ABCB9: variants seen among roughly 807,000 people sequenced by gnomAD.
ABCB9 encodes ATP binding cassette subfamily B member 9, also known as ABC-type oligopeptide transporter ABCB9.
A neutral mutation model predicts 62.0 loss-of-function variants in ABCB9; 36 were observed. The ratio of observed to expected loss-of-function variants is 0.58; its 90% CI spans 0.45 to 0.77. The LOEUF is 0.77. Ranked by LOEUF, ABCB9 falls within the 30% of genes least tolerant of loss-of-function variation. The probability of loss-of-function intolerance (pLI) is 0.00; values close to 1 mark genes in which losing one functional copy is unlikely to be tolerated. For synonymous variants in ABCB9, 435 were observed against 461.4 expected, an observed-to-expected ratio of 0.94 and a Z score of 0.73; for missense variants, 943 against 1,054.7, an observed-to-expected ratio of 0.89 and a Z score of 1.47.
intron 2 of ABCB9, among the ~76,000 whole-genome samples, chr12:122,954,580 C>T (rs2036534351): frequency 6.6e-6 from 1 of 152,150 alleles, no homozygotes; most frequent in Non-Finnish European, 1.5e-5. Context: ...GCAACCTCCA[C>T]CTCCCAGGTT....
At position 122,944,820 on chromosome 12, in the gene ABCB9, G is replaced by A; in HGVS notation, c.1252-301C>T. On this transcript the variant is annotated intron_variant, in intron 6 of 11. Transcript: ENST00000280560. The surrounding 1 kb of genome is among the most constrained non-coding windows in gnomAD (Gnocchi z 4.9). ...CAGGCTCCTCAGCTTGGCCACCTGG[G>A]AACTATTCGTCCTCCTCATGGGGAA... 3.4e-6 allele frequency: 1 copy of A among 298,012 alleles called. No individual in the cohort carries two copies. The highest frequency in any genetic ancestry group is 4.5e-5 in the South Asian group (1 of 22,454). The allele number at this position is 298,012 out of a possible 1,614,324, so 18.5% of individuals were successfully genotyped here.
rs142515177 is a variant in ABCB9, at chr12:122,959,686, C to T, written c.550G>A (p.Asp184Asn). ...LQKLLSYTKP[D>N]VAFLVAASFF... is the part of the protein sequence containing the mutation. The stretch of plus-strand genomic sequence containing the variant: ...GAGGCGGCCACGAGGAAGGCCACGT[C>T]GGGCTTGGTGTAGGAGAGCAGCTTC... The change falls in exon 2 of 12, where the codon GAC (aspartate) becomes AAC (asparagine). Residue 184 changes from aspartate (D) to asparagine (N), a missense_variant. Transcript: ENST00000280560. The surrounding 1 kb of genome is among the most constrained non-coding windows in gnomAD (Gnocchi z 5.4). 24 of 1,591,870 alleles carry T rather than the reference C, an allele frequency of 1.5e-5. No homozygotes were observed. In the African/African-American group the frequency reaches 1.7e-4, roughly 12 times the overall value.
intron 5 of ABCB9, 98 bp downstream of exon 5, chr12:122,948,526 T>C (rs2036170046): frequency 4.3e-6 from 5 of 1,152,228 alleles, no homozygotes; most frequent in Non-Finnish European, 4.7e-6. Flanking sequence ...TCAAGACCTG[T>C]CCTTCACTAG....
chr12:122,929,592 C>G lies in ABCB9; in HGVS notation c.*319G>C. The G allele has an allele frequency of 4.3e-6, 5 of 1,165,114 alleles. No individual in the cohort carries two copies. The highest frequency in any genetic ancestry group is 5.3e-6 in the Non-Finnish European group (5 of 945,550). 72.2% of individuals were successfully genotyped at this position (1,165,114 alleles called of 1,614,324 possible). ...CCAATTAGAAAAAGGTTTTTGAAAT[C>G]TAGGAGTTGACTGGGGTGCCTCAAA... On this transcript the variant is annotated 3_prime_UTR_variant, in exon 12 of 12. Coordinates refer to ENST00000280560, the MANE Select transcript of ABCB9 (RefSeq NM_019625.4). This position sits in a 1 kb window ranked among gnomAD's most constrained non-coding sequence, Gnocchi z 6.0.
intron 5 of ABCB9, chr12:122,948,079 TGC>T (rs2036140335): frequency 6.6e-6 from 1 of 152,628 alleles, no homozygotes; most frequent in African/African-American, 2.4e-5. Context: ...ACCACAGGCA[TGC>T]GCCACCAAGC....
Position 122,946,125 on chromosome 12 carries a change from T to C in ABCB9, c.1151A>G (p.Glu384Gly), listed in dbSNP as rs1158439767. 6.2e-7 allele frequency: 1 copy of C among 1,614,110 alleles called. No homozygotes were observed. The highest frequency in any genetic ancestry group is 1.7e-5 in the Admixed American group (1 of 60,008). ...AMKTVRSFAN[E>G]EEEAEVYLRK... ...CAGGTACACCTCTGCCTCCTCCTCC[T>C]CATTGGCGAAGCTCCGGACAGTCTT... The change falls in exon 6 of 12, where the codon GAG becomes GGG. Residue 384 changes from glutamate (E) to glycine (G), a missense_variant. Coordinates refer to ENST00000280560, the MANE Select transcript of ABCB9 (RefSeq NM_019625.4).
rs190003896 is a variant in ABCB9, at chr12:122,935,399, G to A, written c.1776C>T (p.Phe592=). 22 of 1,613,916 alleles carry A rather than the reference G, an allele frequency of 1.4e-5. No homozygotes were observed. The highest frequency in any genetic ancestry group is 1.2e-4 in the Admixed American group (7 of 60,002). ...AGATGTTATCCGTGATGGAGCGGGC[G>A]AACAGCACGGGCTCCTGGCTCACCA... is the stretch of plus-strand genomic sequence containing the variant. ...ISLVSQEPVL[F]ARSITDNISY... The change falls in exon 10 of 12, where the codon TTC becomes TTT. Residue 592 remains phenylalanine (F), a synonymous_variant. Coordinates refer to ENST00000280560, the MANE Select transcript of ABCB9 (RefSeq NM_019625.4).
At chr12:122,943,049 G>A (rs571505717) in intron 7 of ABCB9, among the ~76,000 whole-genome samples, 25 of 152,234 alleles carry the variant, frequency 1.6e-4, no homozygotes, top group Admixed American at 1.0e-3. Flanking sequence ...TACTGCCTGC[G>A]GGCTGCGGGC....
intron 10 of ABCB9, among the ~76,000 whole-genome samples, chr12:122,933,279 C>T (rs2035286527): frequency 1.3e-5 from 2 of 152,048 alleles, no homozygotes; most frequent in African/African-American, 4.8e-5. Context: ...GTGAATAATC[C>T]GGGCTGAGCA....
chr12:122,946,050 T>C lies in ABCB9; in HGVS notation c.1226A>G (p.Tyr409Cys). The C allele has an allele frequency of 6.2e-7, 1 of 1,613,858 alleles. No individual in the cohort carries two copies. The highest frequency in any genetic ancestry group is 1.1e-5 in the South Asian group (1 of 91,070). Residue 409 changes from tyrosine (Y) to cysteine (C), a missense_variant, in exon 6 of 12, where the codon TAC (tyrosine) becomes TGC (cysteine). Coordinates refer to ENST00000280560, the MANE Select transcript of ABCB9 (RefSeq NM_019625.4). The stretch of plus-strand genomic sequence containing the variant: ...CCCGCTGCCCCAGACGTAGTACATG[T>C]AGGCAGCTGCCTCCTTCCTGTTCAG... The part of the protein sequence containing the change: ...YKLNRKEAAA[Y>C]MYYVWGSGLT...
At chr12:122,933,830 T>C (rs1050513909) in intron 10 of ABCB9, among the ~76,000 whole-genome samples, 2 of 152,142 alleles carry the variant, frequency 1.3e-5, no homozygotes, top group African/African-American at 4.8e-5. Flanking sequence ...ATATACACTG[T>C]GGAATAGCTA....
At position 122,929,928 on chromosome 12, in the gene ABCB9, C is replaced by T. The variant is rs755880634; in HGVS notation, c.2284G>A (p.Gly762Ser). The T allele has an allele frequency of 1.3e-5, 21 of 1,558,860 alleles. No homozygotes were observed. Among genetic ancestry groups the T allele is most frequent in the African/African-American group, 8.1e-5 (6 of 74,284 alleles). Residue 762 changes from glycine (G) to serine (S), a missense_variant, in exon 12 of 12, where the codon GGC becomes AGC. Transcript: ENST00000280560. The surrounding 1 kb of genome is among the most constrained non-coding windows in gnomAD (Gnocchi z 6.0). ...GCCCCCCATCAGGCCTTGTGACTGC[C>T]GTTGGCTACAGGCTCGTTGTGGCCA... ...TAGHNEPVAN[G>S]SHKA
At chr12:122,934,098 A>T (rs78401852) in intron 10 of ABCB9, among the ~76,000 whole-genome samples, 1 of 152,076 alleles carries the variant, frequency 6.6e-6, no homozygotes, top group African/African-American at 2.4e-5. Flanking sequence ...ACAAAAAAAA[A>T]TTAGCAAGGT....
rs1253114072 is a variant in ABCB9, at chr12:122,948,961, G to T, written c.848-132C>A. 10 of 700,184 alleles carry T rather than the reference G, an allele frequency of 1.4e-5. No individual in the cohort carries two copies. In the East Asian group the frequency reaches 2.8e-4, roughly 19 times the overall value. 43.4% of individuals were successfully genotyped at this position (700,184 alleles called of 1,614,324 possible). A position where few individuals can be genotyped will look rare whatever the true frequency, so the allele number is the denominator to read the frequency against. ...CTACCTGTGGGCGGGGTTGGGGGGTGGGGGAGAAGAGCAGATACCCCTCGA... is the reference window on the plus strand; with the variant it reads ...CTACCTGTGGGCGGGGTTGGGGGGTTGGGGAGAAGAGCAGATACCCCTCGA... On this transcript the variant is annotated intron_variant, in intron 4 of 11. Transcript: ENST00000280560.
In ABCB9 at chr12:122,960,289, C is replaced by A; in HGVS notation, c.-54G>T. The A allele has an allele frequency of 6.4e-7, 1 of 1,570,982 alleles. No homozygotes were observed. Among genetic ancestry groups the A allele is most frequent in the Non-Finnish European group, 8.6e-7 (1 of 1,157,148 alleles). On this transcript the variant is annotated 5_prime_UTR_variant, in exon 2 of 12. Transcript: ENST00000280560. ...AAGGCCAGGTTGTAGCTCACGGGGG[C>A]AAGGCCATCATCATCCACAGGGCGA...
chr12:122,946,175 C>T lies in ABCB9; in HGVS notation c.1101G>A (p.Thr367=), dbSNP rs547529276. 102 of 1,614,154 alleles carry T rather than the reference C, an allele frequency of 6.3e-5. No individual in the cohort carries two copies. In the South Asian group the frequency reaches 9.7e-4, roughly 15 times the overall value. Residue 367 remains threonine, a synonymous_variant, in exon 6 of 12, where the codon ACG becomes ACA. Coordinates refer to ENST00000280560, the MANE Select transcript of ABCB9 (RefSeq NM_019625.4). Reference sequence around the variant, plus strand: ...TCATGGCACTGATGGTCTCCTCCGCCGTGTTGCTCGCTCTGGCCAGGGCAT... The same window carrying T: ...TCATGGCACTGATGGTCTCCTCCGCTGTGTTGCTCGCTCTGGCCAGGGCAT... ...VQNALARASN[T]AEETISAMKT...
chr12:122,962,066 CTT>C (rs1409353866), intron 1 of ABCB9, among the ~76,000 whole-genome samples: 1 of 152,204 alleles, frequency 6.6e-6, no homozygotes, highest in Admixed American at 6.5e-5. Context: ...TTTCCAGAAT[CTT>C]TTCCTCCTGC....
In ABCB9 at chr12:122,949,867, T is replaced by C. The variant is rs1356846327; in HGVS notation, c.768A>G (p.Arg256=). The stretch of plus-strand genomic sequence containing the variant: ...GACAGTTTCGAAGGCGAATGTTCAG[T>C]CTGGCAAATATGAGGGTAAAAATGC... The part of the protein sequence containing the change: ...RGGIFTLIFA[R]LNIRLRNCLF... The change falls in exon 4 of 12, where the codon AGA becomes AGG. Residue 256 remains arginine, a synonymous_variant. Coordinates refer to ENST00000280560, the MANE Select transcript of ABCB9 (RefSeq NM_019625.4). 1 of 1,614,062 alleles carries C rather than the reference T, an allele frequency of 6.2e-7. No individual in the cohort carries two copies. Among genetic ancestry groups the C allele is most frequent in the African/African-American group, 1.3e-5 (1 of 74,938 alleles).
chr12:122,957,499 T>C (rs1327201789), intron 2 of ABCB9, among the ~76,000 whole-genome samples: 1 of 152,074 alleles, frequency 6.6e-6, no homozygotes, highest in Non-Finnish European at 1.5e-5. Context: ...CAGGCCTCGT[T>C]GCCCCCAGAA....
Sources: gnomAD v4.1 joint callset for allele counts (sites outside exome capture counted in the v4.1 genomes callset) on GRCh38, gnomAD v4.1.1 for gene constraint, Gnocchi (gnomAD v3.1) non-coding constraint, MANE v1.5 for transcripts, NCBI Gene and HGNC (gene_info 2026-07-23, HGNC 2026-07-21) for gene names.